Variants in ATP9A observed in about 807,000 individuals in gnomAD.
The protein encoded by ATP9A is ATPase phospholipid transporting 9A.
A neutral mutation model predicts 144.1 loss-of-function variants in ATP9A; 52 were observed. The observed-to-expected ratio is 0.36, with a 90% CI of 0.29 to 0.45. ATP9A has a LOEUF of 0.45. Among genes scored for constraint, ATP9A ranks in the 20% least tolerant of loss-of-function variants. The probability of loss-of-function intolerance (pLI) is 1.00; values close to 1 mark genes in which losing one functional copy is unlikely to be tolerated. For missense variants in ATP9A, 947 were observed against 1,392.7 expected, an observed-to-expected ratio of 0.68 and a Z score of 5.09; for synonymous variants, 582 against 557.4, an observed-to-expected ratio of 1.04 and a Z score of -0.62.
chr20:51,695,423 A>G (rs1257906009), intron 6 of ATP9A, among the ~76,000 whole-genome samples: 1 of 147,974 alleles, frequency 6.8e-6, no homozygotes, highest in Non-Finnish European at 1.5e-5. Context: ...AGATCGTACC[A>G]CTACACTCCA....
At chr20:51,638,569 G>C (rs1451645865) in intron 15 of ATP9A, among the ~76,000 whole-genome samples, 2 of 152,064 alleles carry the variant, frequency 1.3e-5, no homozygotes, top group Non-Finnish European at 2.9e-5. Flanking sequence ...TGGGTAAAAA[G>C]AGAAAACAGA....
At chr20:51,631,160 C>G (rs1315730953) in intron 15 of ATP9A, among the ~76,000 whole-genome samples, 1 of 152,190 alleles carries the variant, frequency 6.6e-6, no homozygotes, top group African/African-American at 2.4e-5. Flanking sequence ...CAGAAATATC[C>G]AAAATCAGAT....
chr20:51,742,249 C>T (rs751034982), intron 1 of ATP9A, among the ~76,000 whole-genome samples: 5 of 150,364 alleles, frequency 3.3e-5, no homozygotes, highest in Non-Finnish European at 7.4e-5. Flanking sequence ...TGCTTGAGCC[C>T]GGGAAGTCGA....
chr20:51,735,540 A>C (rs2077759646), intron 1 of ATP9A, among the ~76,000 whole-genome samples: 1 of 152,238 alleles, frequency 6.6e-6, no homozygotes, highest in Non-Finnish European at 1.5e-5. Flanking sequence ...GGTACAAAGT[A>C]CTATTCTAGG....
rs1475589972 is a variant in ATP9A, at chr20:51,611,442, T to G, written c.2572-1277A>C. ...TCAGGAGCCCCTTCCTCTAAAAGGG[T>G]CATCCTAACCACAAAGTCTTCATCT... On this transcript the variant is annotated intron_variant, in intron 23 of 27. Transcript: ENST00000338821. This position sits in a 1 kb window ranked among gnomAD's most constrained non-coding sequence, Gnocchi z 4.2. Among the ~76,000 whole-genome samples, 1 of 152,200 alleles carries G rather than the reference T, an allele frequency of 6.6e-6. No individual in the cohort carries two copies. Among genetic ancestry groups the G allele is most frequent in the Non-Finnish European group, 1.5e-5 (1 of 68,038 alleles).
intron 3 of ATP9A, among the ~76,000 whole-genome samples, chr20:51,715,092 T>A (rs142831651): frequency 6.6e-5 from 10 of 152,352 alleles, no homozygotes; most frequent in African/African-American, 2.4e-4. Flanking sequence ...ACAGTCAGCA[T>A]AACCACCCAA....
intron 1 of ATP9A, among the ~76,000 whole-genome samples, chr20:51,757,455 T>C (rs1324707629): frequency 6.6e-6 from 1 of 152,226 alleles, no homozygotes; most frequent in African/African-American, 2.4e-5. Flanking sequence ...GGCTTTTCCT[T>C]GGCATTTGCT....
chr20:51,687,775 A>AAATGAATGAATG (rs1555836823), intron 9 of ATP9A, among the ~76,000 whole-genome samples: 45 of 147,518 alleles, frequency 3.1e-4, no homozygotes, highest in South Asian at 4.3e-4. Context: ...AAAAAAAAAA[A>AAATGAATGAATG]AATGAATGAA....
intron 13 of ATP9A, among the ~76,000 whole-genome samples, chr20:51,658,241 C>T (rs531675495): frequency 6.6e-6 from 1 of 152,230 alleles, no homozygotes; most frequent in Non-Finnish European, 1.5e-5. Context: ...GGGTGGATCA[C>T]TTGAGGTCAG....
At position 51,738,821 on chromosome 20, in the gene ATP9A, G is replaced by A. The variant is rs200890484; in HGVS notation, c.69-8843C>T. 2.0e-5 allele frequency among the ~76,000 whole-genome samples: 3 copies of A among 152,132 alleles called. 1 individual carries two copies. The highest frequency in any genetic ancestry group is 1.3e-4 in the Admixed American group (2 of 15,272). On this transcript the variant is annotated intron_variant, in intron 1 of 27. Coordinates refer to ENST00000338821, the MANE Select transcript of ATP9A (RefSeq NM_006045.3). Reference sequence around the variant, plus strand: ...AGGGAGGCTGGGCGCGGTGGCTCACGCCTGTAATCCCAGCACTTTGGGAGG... The same window carrying A: ...AGGGAGGCTGGGCGCGGTGGCTCACACCTGTAATCCCAGCACTTTGGGAGG...
At chr20:51,758,157 G>A (rs974655086) in intron 1 of ATP9A, among the ~76,000 whole-genome samples, 2 of 151,992 alleles carry the variant, frequency 1.3e-5, no homozygotes, top group African/African-American at 2.4e-5. Flanking sequence ...AGTATCATTT[G>A]GTACAAACAG....
rs182149033 is a variant in ATP9A, at chr20:51,733,208, T to C, written c.69-3230A>G. Reference sequence around the variant, plus strand: ...CTCACTGCACTATGGGAGCAAGAGATTGGAAACAAATCTAACCATTTGTTT... The same window carrying C: ...CTCACTGCACTATGGGAGCAAGAGACTGGAAACAAATCTAACCATTTGTTT... On this transcript the variant is annotated intron_variant, in intron 1 of 27. Coordinates refer to ENST00000338821, the MANE Select transcript of ATP9A (RefSeq NM_006045.3). 2.1e-3 allele frequency among the ~76,000 whole-genome samples: 323 copies of C among 152,276 alleles called. 1 individual carries two copies. The highest frequency in any genetic ancestry group is 7.3e-3 in the African/African-American group (304 of 41,546).
intron 13 of ATP9A, among the ~76,000 whole-genome samples, chr20:51,669,772 G>T (rs549920339): frequency 6.6e-6 from 1 of 152,212 alleles, no homozygotes; most frequent in South Asian, 2.1e-4. Flanking sequence ...GGTATAGAAG[G>T]GAGGTATTGG....
intron 10 of ATP9A, among the ~76,000 whole-genome samples, chr20:51,675,380 G>A (rs558998074): frequency 2.0e-5 from 3 of 152,196 alleles, no homozygotes; most frequent in Non-Finnish European, 4.4e-5. Flanking sequence ...GGAGGGGTAA[G>A]CTGTGATGGT....
intron 13 of ATP9A, among the ~76,000 whole-genome samples, chr20:51,662,467 C>G (rs2077414731): frequency 6.6e-6 from 1 of 151,498 alleles, no homozygotes; most frequent in East Asian, 1.9e-4. Flanking sequence ...ATTGCTTGAA[C>G]CTGGGAGGCA....
chr20:51,730,300 G>A (rs8118659), intron 1 of ATP9A, among the ~76,000 whole-genome samples: 10,255 of 152,038 alleles, frequency 0.067, 784 homozygotes, highest in African/African-American at 0.19. Context: ...AATCTCGTCT[G>A]TACTAAAAAA....
At chr20:51,667,732 G>A (rs183298769) in intron 13 of ATP9A, among the ~76,000 whole-genome samples, 1 of 152,092 alleles carries the variant, frequency 6.6e-6, no homozygotes, top group Admixed American at 6.6e-5. Flanking sequence ...TCACCTTGCT[G>A]AGTGAGTGAG....
At chr20:51,701,606 C>T (rs1028752375) in intron 4 of ATP9A, among the ~76,000 whole-genome samples, 1 of 152,194 alleles carries the variant, frequency 6.6e-6, no homozygotes, top group Non-Finnish European at 1.5e-5. Flanking sequence ...TTCATGCAAA[C>T]ACACCTACTG....
In ATP9A at chr20:51,729,945, C is replaced by T. The variant is rs752935225; in HGVS notation, c.102G>A (p.Gly34=). ...GCCAGACAGTGCGGGGCCTGGCCTC[C>T]CCTCCACCGCAGCATCTCAGCCACT... ...CCEWLRCCGG[G]EARPRTVWLG... is the part of the protein sequence containing the mutation. Residue 34 remains glycine (G), a synonymous_variant, in exon 2 of 28, where the codon GGG becomes GGA. Coordinates refer to ENST00000338821, the MANE Select transcript of ATP9A (RefSeq NM_006045.3). The T allele has an allele frequency of 6.4e-7, 1 of 1,574,056 alleles. No individual in the cohort carries two copies. Among genetic ancestry groups the T allele is most frequent in the Non-Finnish European group, 8.6e-7 (1 of 1,165,562 alleles).
Sources: gnomAD v4.1 joint callset for allele counts (sites outside exome capture counted in the v4.1 genomes callset) on GRCh38, gnomAD v4.1.1 for gene constraint, Gnocchi (gnomAD v3.1) non-coding constraint, MANE v1.5 for transcripts, NCBI Gene and HGNC (gene_info 2026-07-23, HGNC 2026-07-21) for gene names.